The following CALN1 variants were observed in gnomAD, a reference collection of about 807,000 sequenced individuals.
The protein encoded by CALN1 is calneuron 1.
CALN1 carries 17 observed loss-of-function variants against 30.6 expected under a neutral mutation model. That is an observed-to-expected ratio of 0.56 (90% CI 0.38 to 0.83). CALN1 has a LOEUF of 0.83. Ranked by LOEUF, CALN1 falls within the 40% of genes least tolerant of loss-of-function variation. CALN1 has a pLI of 0.00. For missense variants in CALN1, 291 were observed against 354.9 expected (o/e 0.82, Z 1.45); for synonymous variants, 156 against 131.4 (o/e 1.19, Z -1.28).
intron 3 of CALN1, among the ~76,000 whole-genome samples, chr7:72,195,758 T>C (rs919421552): frequency 6.6e-6 from 1 of 152,104 alleles, no homozygotes; most frequent in African/African-American, 2.4e-5. Flanking sequence ...AAATAAATGT[T>C]TGGTGAAGGA....
rs1053079059 is a variant in CALN1 at position 72,357,924 on chromosome 7, C to A, written c.119+45327G>T. ...GGCTCAAGGGATTCTCTTGCATCAGCCTCCTGAGTAGCTAGGATTACTGGC... is the reference window on the plus strand; with the variant it reads ...GGCTCAAGGGATTCTCTTGCATCAGACTCCTGAGTAGCTAGGATTACTGGC... On this transcript the variant is annotated intron_variant, in intron 2 of 6. Transcript: ENST00000395275. Among the ~76,000 whole-genome samples, 4 of 150,278 alleles carry A rather than the reference C, an allele frequency of 2.7e-5. 1 individual carries two copies. The highest frequency in any genetic ancestry group is 9.8e-5 in the African/African-American group (4 of 40,800).
At chr7:71,956,505 T>A (rs978297825) in intron 5 of CALN1, among the ~76,000 whole-genome samples, 1 of 149,088 alleles carries the variant, frequency 6.7e-6, no homozygotes, top group African/African-American at 2.5e-5. Context: ...TTTTTTTTTT[T>A]AAACAGAGGG....
In CALN1 at chr7:71,960,975, C is replaced by T. The variant is rs189189982; in HGVS notation, c.501+62682G>A. Among the ~76,000 whole-genome samples the T allele has an allele frequency of 3.9e-3, 589 of 152,238 alleles. 5 individuals carry two copies. Among genetic ancestry groups the T allele is most frequent in the African/African-American group, 0.013 (560 of 41,540 alleles). On this transcript the variant is annotated intron_variant, in intron 5 of 6. Coordinates refer to ENST00000395275, the MANE Select transcript of CALN1 (RefSeq NM_031468.4). ...GGGATCACAGGCTTGTGACACCACA[C>T]CTGGCTAATTTTTGTATTTTTAGTA... is the stretch of plus-strand genomic sequence containing the variant.
intron 3 of CALN1, among the ~76,000 whole-genome samples, chr7:72,150,505 C>T (rs1371233137): frequency 6.6e-6 from 1 of 152,148 alleles, no homozygotes; most frequent in East Asian, 1.9e-4. Flanking sequence ...GGGTAAGAGG[C>T]TCTCCCTTGA....
chr7:72,475,415 C>T, the CALN1 span, among the ~76,000 whole-genome samples: 1,006 of 152,156 alleles, frequency 6.6e-3, 7 homozygotes, highest in South Asian at 0.013. Flanking sequence ...GCCGAGATCG[C>T]GCCACTGCAC....
intron 3 of CALN1, among the ~76,000 whole-genome samples, chr7:72,122,588 T>C (rs1005651587): frequency 6.6e-6 from 1 of 152,036 alleles, no homozygotes; most frequent in African/African-American, 2.4e-5. Flanking sequence ...TAGTCGGGCA[T>C]GGTGGCACAT....
intron 5 of CALN1, among the ~76,000 whole-genome samples, chr7:71,820,038 T>C (rs1788501687): frequency 6.6e-6 from 1 of 152,204 alleles, no homozygotes; most frequent in Non-Finnish European, 1.5e-5. Context: ...TTAAAGTTAA[T>C]TAATGTTTCA....
At chr7:71,801,747 T>C (rs1478468006) in intron 6 of CALN1, among the ~76,000 whole-genome samples, 1 of 151,730 alleles carries the variant, frequency 6.6e-6, no homozygotes, top group African/African-American at 2.4e-5. Flanking sequence ...GAGGCTGAGG[T>C]GGGTGGATCA....
At chr7:71,878,597 A>T (rs1250411911) in intron 5 of CALN1, among the ~76,000 whole-genome samples, 1 of 152,142 alleles carries the variant, frequency 6.6e-6, no homozygotes, top group East Asian at 1.9e-4. Context: ...GGAAGTGAAC[A>T]GCTGAAATGG....
chr7:72,182,862 T>A (rs1789918799), intron 3 of CALN1, among the ~76,000 whole-genome samples: 1 of 151,512 alleles, frequency 6.6e-6, no homozygotes, highest in Admixed American at 6.6e-5. Flanking sequence ...TATGGACAAC[T>A]GTGACAGGTT....
At chr7:72,142,877 A>G (rs1039001853) in intron 3 of CALN1, among the ~76,000 whole-genome samples, 1 of 152,098 alleles carries the variant, frequency 6.6e-6, no homozygotes, top group African/African-American at 2.4e-5. Flanking sequence ...TCTGGAGTGG[A>G]CCTCCAGCAA....
intron 5 of CALN1, among the ~76,000 whole-genome samples, chr7:72,004,241 C>T (rs1799661421): frequency 6.6e-6 from 1 of 152,072 alleles, no homozygotes. Flanking sequence ...TAAATATGCC[C>T]AATTGATTTT....
At chr7:71,907,226 G>A (rs186052494) in intron 5 of CALN1, among the ~76,000 whole-genome samples, 1 of 141,024 alleles carries the variant, frequency 7.1e-6, no homozygotes, top group African/African-American at 3.0e-5. Flanking sequence ...CTTTTAAACA[G>A]AAATGAGGTT....
At chr7:72,227,577 G>A (rs1010575447) in intron 3 of CALN1, among the ~76,000 whole-genome samples, 2 of 151,566 alleles carry the variant, frequency 1.3e-5, no homozygotes, top group African/African-American at 2.4e-5. Context: ...AAAAAAGGTG[G>A]TAACAATAGA....
At chr7:72,370,699 A>T (rs558614543) in intron 2 of CALN1, among the ~76,000 whole-genome samples, 2 of 151,866 alleles carry the variant, frequency 1.3e-5, no homozygotes, top group South Asian at 2.1e-4. Flanking sequence ...CAATTGACAA[A>T]TTTTTTTTCT....
At chr7:72,312,930 G>A (rs1029686184) in intron 2 of CALN1, among the ~76,000 whole-genome samples, 3 of 152,066 alleles carry the variant, frequency 2.0e-5, no homozygotes, top group Non-Finnish European at 4.4e-5. Flanking sequence ...CACCTCCCGG[G>A]TTCAAATGAT....
chr7:72,385,570 G>A (rs979547258), intron 2 of CALN1, among the ~76,000 whole-genome samples: 1 of 151,970 alleles, frequency 6.6e-6, no homozygotes, highest in Non-Finnish European at 1.5e-5. Context: ...ATACTATTCA[G>A]TTATAAAAAA....
At chr7:72,142,393 A>C (rs1316198085) in intron 3 of CALN1, among the ~76,000 whole-genome samples, 2 of 152,180 alleles carry the variant, frequency 1.3e-5, no homozygotes, top group Non-Finnish European at 2.9e-5. Context: ...GCAGTCTGAG[A>C]TCGAACTACA....
the CALN1 span, among the ~76,000 whole-genome samples, chr7:72,472,843 G>C: frequency 6.6e-6 from 1 of 152,182 alleles, no homozygotes; most frequent in African/African-American, 2.4e-5. Flanking sequence ...CCTCCCACAA[G>C]GGACAGAGCC....
Sources: allele counts gnomAD v4.1 joint callset (sites outside exome capture counted in the v4.1 genomes callset), GRCh38; gene constraint gnomAD v4.1.1; transcripts MANE v1.5; gene names NCBI Gene and HGNC (gene_info 2026-07-23, HGNC 2026-07-21).